RARB: variants seen among roughly 807,000 people sequenced by gnomAD.
RARB encodes retinoic acid receptor beta.
Under a neutral mutation model 51.9 loss-of-function variants are expected in RARB, and 17 were observed. The ratio of observed to expected loss-of-function variants is 0.33; its 90% CI spans 0.22 to 0.49. The LOEUF (loss-of-function observed/expected upper bound fraction) is 0.49, where lower values mean the gene tolerates loss of function less well. RARB is among the 20% of genes least tolerant of loss of function. The pLI is 0.99. For missense variants in RARB, 369 were observed against 550.8 expected, an observed-to-expected ratio of 0.67 and a Z score of 3.30; for synonymous variants, 215 against 195.4, an observed-to-expected ratio of 1.10 and a Z score of -0.84.
intron 2 of RARB, among the ~76,000 whole-genome samples, chr3:24,934,427 T>C (rs950083539): frequency 3.9e-5 from 6 of 152,124 alleles, no homozygotes; most frequent in Admixed American, 1.3e-4. Context: ...TAAATTACTT[T>C]TGTCTTTCTG....
At chr3:24,934,774 G>A (rs1192036602) in intron 2 of RARB, among the ~76,000 whole-genome samples, 2 of 151,994 alleles carry the variant, frequency 1.3e-5, no homozygotes, top group Non-Finnish European at 2.9e-5. Context: ...GTTTTTTATT[G>A]AGAAATTCCC....
At chr3:25,274,722 A>G (rs913470965) in intron 5 of RARB, among the ~76,000 whole-genome samples, 2 of 152,148 alleles carry the variant, frequency 1.3e-5, no homozygotes, top group African/African-American at 2.4e-5. Context: ...TTTCTTCCGC[A>G]TGTCCCCTTA....
At chr3:25,215,522 C>G (rs1701812771) in intron 5 of RARB, among the ~76,000 whole-genome samples, 1 of 152,160 alleles carries the variant, frequency 6.6e-6, no homozygotes, top group Admixed American at 6.5e-5. Context: ...TCTGTATTGC[C>G]TCTCCAGACA....
intron 3 of RARB, among the ~76,000 whole-genome samples, chr3:25,114,611 A>G (rs1050160567): frequency 3.3e-5 from 5 of 152,180 alleles, no homozygotes; most frequent in Non-Finnish European, 7.3e-5. Context: ...TGCAAGTGTT[A>G]TTGGCAGCAA....
At chr3:24,913,571 T>A (rs944838291) in intron 2 of RARB, among the ~76,000 whole-genome samples, 1 of 152,172 alleles carries the variant, frequency 6.6e-6, no homozygotes, top group Non-Finnish European at 1.5e-5. Context: ...CAGGAAATAT[T>A]GTTACAAAAA....
intron 2 of RARB, among the ~76,000 whole-genome samples, chr3:24,868,313 G>A (rs1188825058): frequency 6.6e-6 from 1 of 152,082 alleles, no homozygotes; most frequent in Admixed American, 6.6e-5. Flanking sequence ...AAACACACTT[G>A]TACAAATGAT....
chr3:24,970,742 T>C (rs1479278879), intron 2 of RARB, among the ~76,000 whole-genome samples: 1 of 151,992 alleles, frequency 6.6e-6, no homozygotes, highest in Non-Finnish European at 1.5e-5. Flanking sequence ...TCATTCTTCA[T>C]GAATACTTTG....
intron 5 of RARB, among the ~76,000 whole-genome samples, chr3:25,328,668 T>TG (rs530436435): frequency 1.7e-3 from 257 of 152,192 alleles, no homozygotes; most frequent in Admixed American, 2.6e-3. Context: ...TTCATCTCAT[T>TG]GGGGCTTGTC....
chr3:25,340,603 C>T (rs1218367900), intron 5 of RARB, among the ~76,000 whole-genome samples: 3 of 152,110 alleles, frequency 2.0e-5, no homozygotes, highest in African/African-American at 7.2e-5. Flanking sequence ...CTTTTTTTCT[C>T]CATTTAAAGT....
chr3:25,128,799 G>A (rs895097463), intron 3 of RARB, among the ~76,000 whole-genome samples: 2 of 151,626 alleles, frequency 1.3e-5, no homozygotes, highest in African/African-American at 4.8e-5. Context: ...AAAGAATGAT[G>A]AACTCGAGGA....
At chr3:24,901,536 C>G (rs1376395004) in intron 2 of RARB, among the ~76,000 whole-genome samples, 1 of 152,154 alleles carries the variant, frequency 6.6e-6, no homozygotes, top group Non-Finnish European at 1.5e-5. Context: ...CCACTGGGCG[C>G]AGTTCAGGGA....
chr3:25,492,794 A>G (rs931494637), intron 2 of RARB, among the ~76,000 whole-genome samples: 6 of 152,154 alleles, frequency 3.9e-5, no homozygotes, highest in Non-Finnish European at 1.5e-5. Flanking sequence ...GGAAGCTTCT[A>G]GACCAAGGGA....
At chr3:25,278,428 C>G (rs1479019849) in intron 5 of RARB, among the ~76,000 whole-genome samples, 1 of 152,166 alleles carries the variant, frequency 6.6e-6, no homozygotes, top group Non-Finnish European at 1.5e-5. Flanking sequence ...TAGCCACTTT[C>G]AGGCCTTCCA....
Position 25,207,063 on chromosome 3 carries a change from G to A in RARB, c.178+32488G>A, listed in dbSNP as rs115667595. Among the ~76,000 whole-genome samples the A allele has an allele frequency of 7.2e-3, 1,099 of 152,282 alleles. 12 individuals are homozygous for A. Among genetic ancestry groups the A allele is most frequent in the African/African-American group, 0.024 (1,018 of 41,556 alleles). On this transcript the variant is annotated intron_variant, in intron 5 of 11. Transcript: ENST00000383772. ...GATTCTTAGAATCACAGAATCATGA[G>A]GTTAAGATAATAACTTTTTAGAAAT... is the stretch of plus-strand genomic sequence containing the variant.
chr3:25,387,753 C>G (rs1482438176), intron 5 of RARB, among the ~76,000 whole-genome samples: 1 of 152,098 alleles, frequency 6.6e-6, no homozygotes, highest in South Asian at 2.1e-4. Flanking sequence ...TGTCTTTGTT[C>G]GACCCTAAAT....
intron 2 of RARB, among the ~76,000 whole-genome samples, chr3:24,905,969 G>A (rs902808351): frequency 6.6e-6 from 1 of 152,184 alleles, no homozygotes; most frequent in African/African-American, 2.4e-5. Flanking sequence ...TGAACTCTTT[G>A]ATATTGACTT....
intron 2 of RARB, among the ~76,000 whole-genome samples, chr3:25,000,958 A>C (rs2125274952): frequency 6.6e-6 from 1 of 152,250 alleles, no homozygotes; most frequent in African/African-American, 2.4e-5. Context: ...TACTTGGACA[A>C]AATTATGGTT....
intron 2 of RARB, among the ~76,000 whole-genome samples, chr3:25,467,634 G>C (rs1695495330): frequency 6.6e-6 from 1 of 152,156 alleles, no homozygotes; most frequent in Non-Finnish European, 1.5e-5. Flanking sequence ...TGGATTCTAT[G>C]GATGAAGAAA....
intron 2 of RARB, among the ~76,000 whole-genome samples, chr3:24,945,490 C>G (rs1300597731): frequency 6.6e-6 from 1 of 152,182 alleles, no homozygotes; most frequent in South Asian, 2.1e-4. Flanking sequence ...TGGGGCCCAC[C>G]TATTTAGCTC....
Sources: allele counts gnomAD v4.1 joint callset (sites outside exome capture counted in the v4.1 genomes callset), GRCh38; gene constraint gnomAD v4.1.1; transcripts MANE v1.5; gene names NCBI Gene and HGNC (gene_info 2026-07-23, HGNC 2026-07-21).